The following MTTP variants were observed in gnomAD, a reference collection of about 807,000 sequenced individuals.
The protein encoded by MTTP is microsomal triglyceride transfer protein large subunit.
A neutral mutation model predicts 90.6 loss-of-function variants in MTTP; 49 were observed. That is an observed-to-expected ratio of 0.54 (90% CI 0.43 to 0.69). The LOEUF (loss-of-function observed/expected upper bound fraction) is 0.69, where lower values mean the gene tolerates loss of function less well. Among genes scored for constraint, MTTP ranks in the 30% least tolerant of loss-of-function variants. MTTP has a pLI of 0.00. For synonymous variants in MTTP, 347 were observed against 384.2 expected (o/e 0.90, Z 1.13); for missense variants, 945 against 1,067.5 (o/e 0.89, Z 1.60).
rs1560618824 is a variant in MTTP, at chr4:99,594,769, A to G, written c.795A>G (p.Pro265=). The change falls in exon 7 of 18, where the codon CCA becomes CCG. Residue 265 remains proline, a synonymous_variant. Transcript: ENST00000265517. Reference sequence around the variant, plus strand: ...AGCTGAAGACAACCGAAGCAGGCCCAAGATTGATGTCTGGAAAGCAGGCTG... The same window carrying G: ...AGCTGAAGACAACCGAAGCAGGCCCGAGATTGATGTCTGGAAAGCAGGCTG... ...KLELKTTEAG[P]RLMSGKQAAA... is the part of the protein sequence containing the mutation. 3.7e-6 allele frequency: 6 copies of G among 1,614,078 alleles called. No individual in the cohort carries two copies. The highest frequency in any genetic ancestry group is 5.1e-6 in the Non-Finnish European group (6 of 1,179,920).
Position 99,621,415 on chromosome 4 carries a change from CA to C in MTTP, c.2513+193del, listed in dbSNP as rs71600263. On this transcript the variant is annotated intron_variant, in intron 17 of 17. Coordinates refer to ENST00000265517, the MANE Select transcript of MTTP (RefSeq NM_001386140.1). Reference sequence around the variant, plus strand: ...CAAAAAAAGTCAGTTTCTGGGATACCAAAAAAAAATCTAATGACTAGTTCAT... The same window carrying C: ...CAAAAAAAGTCAGTTTCTGGGATACCAAAAAAAATCTAATGACTAGTTCAT... Among the ~76,000 whole-genome samples the C allele has an allele frequency of 0.071, 10,632 of 150,416 alleles. 602 individuals carry two copies. The highest frequency in any genetic ancestry group is 0.15 in the African/African-American group (6,328 of 41,052).
upstream of MTTP, among the ~76,000 whole-genome samples, chr4:99,573,603 A>G (rs1473290908): frequency 6.6e-6 from 1 of 152,120 alleles, no homozygotes; most frequent in African/African-American, 2.4e-5. Flanking sequence ...ATAATTCAAG[A>G]GGAAATATGC....
At chr4:99,569,354 C>T (rs2110204485) in intron 1 of MTTP, among the ~76,000 whole-genome samples, 1 of 151,844 alleles carries the variant, frequency 6.6e-6, no homozygotes, top group Non-Finnish European at 1.5e-5. Flanking sequence ...TGTAATGTAC[C>T]CTGGATGGGA....
At chr4:99,613,730 C>T (rs1354467416) in intron 15 of MTTP, among the ~76,000 whole-genome samples, 1 of 152,174 alleles carries the variant, frequency 6.6e-6, no homozygotes, top group Non-Finnish European at 1.5e-5. Flanking sequence ...CCACATTCTT[C>T]AAAATGGTTT....
At chr4:99,596,334 C>T (rs894414965) in intron 7 of MTTP, among the ~76,000 whole-genome samples, 1 of 151,964 alleles carries the variant, frequency 6.6e-6, no homozygotes, top group South Asian at 2.1e-4. Context: ...AAAATAAGTT[C>T]TTCAGTTAGT....
intron 3 of MTTP, among the ~76,000 whole-genome samples, chr4:99,588,395 T>C (rs1211644520): frequency 6.6e-6 from 1 of 152,164 alleles, no homozygotes; most frequent in African/African-American, 2.4e-5. Flanking sequence ...ATATCAAGTC[T>C]ACAGGGTGAA....
chr4:99,619,961 G>A (rs1726189479), intron 16 of MTTP, among the ~76,000 whole-genome samples: 1 of 152,144 alleles, frequency 6.6e-6, no homozygotes, highest in South Asian at 2.1e-4. Flanking sequence ...TTTCTAGACA[G>A]AAGTTTTTCC....
intron 16 of MTTP, among the ~76,000 whole-genome samples, chr4:99,620,477 A>G (rs1046968288): frequency 6.6e-5 from 10 of 152,174 alleles, no homozygotes; most frequent in African/African-American, 2.2e-4. Flanking sequence ...AGGACCCACC[A>G]TATTTTTCCT....
intron 12 of MTTP, among the ~76,000 whole-genome samples, chr4:99,610,301 A>T (rs1274848709): frequency 6.6e-6 from 1 of 152,180 alleles, no homozygotes; most frequent in Non-Finnish European, 1.5e-5. Context: ...AAACACGTCT[A>T]GTCATTCATC....
chr4:99,604,957 A>C (rs991422395), intron 10 of MTTP, among the ~76,000 whole-genome samples: 4 of 152,174 alleles, frequency 2.6e-5, no homozygotes, highest in African/African-American at 9.6e-5. Context: ...TCGCATGTAC[A>C]CAAAGTTCTA....
intron 1 of MTTP, among the ~76,000 whole-genome samples, chr4:99,567,786 T>G (rs1017185668): frequency 2.0e-5 from 3 of 152,128 alleles, no homozygotes; most frequent in African/African-American, 4.8e-5. Context: ...TCAGAAAATA[T>G]GAAGACACGT....
At chr4:99,608,297 C>T (rs1367611392) in intron 11 of MTTP, among the ~76,000 whole-genome samples, 1 of 151,782 alleles carries the variant, frequency 6.6e-6, no homozygotes, top group Non-Finnish European at 1.5e-5. Context: ...ATACAAAAAT[C>T]AGCTGGGCAT....
chr4:99,620,369 A>C (rs113055248), intron 16 of MTTP, among the ~76,000 whole-genome samples: 1,805 of 152,312 alleles, frequency 0.012, 50 homozygotes, highest in African/African-American at 0.041. Flanking sequence ...CAGTAGAAGT[A>C]AGTCTTCTGT....
At chr4:99,593,172 T>C (rs1043618182) in intron 6 of MTTP, among the ~76,000 whole-genome samples, 4 of 152,186 alleles carry the variant, frequency 2.6e-5, no homozygotes, top group African/African-American at 9.7e-5. Context: ...TATATCTTGT[T>C]CATCTTTATT....
chr4:99,580,012 G>C (rs2110210552), intron 1 of MTTP, among the ~76,000 whole-genome samples: 1 of 147,976 alleles, frequency 6.8e-6, no homozygotes, highest in Admixed American at 6.7e-5. Context: ...CTCCAGCCTG[G>C]GTGACAGAGT....
At position 99,582,005 on chromosome 4, in the gene MTTP, C is replaced by T. The variant is rs769291215; in HGVS notation, c.162C>T (p.Ser54=). 46 of 1,614,056 alleles carry T rather than the reference C, an allele frequency of 2.8e-5. No homozygotes were observed. The highest frequency in any genetic ancestry group is 1.6e-4 in the Middle Eastern group (1 of 6,084). ...GGGGCAAAGGAAAACTGCAAGACAGCGTGGGCTACCGCATTTCCTCCAACG... is the reference window on the plus strand; with the variant it reads ...GGGGCAAAGGAAAACTGCAAGACAGTGTGGGCTACCGCATTTCCTCCAACG... ...LDRGKGKLQD[S]VGYRISSNVD... The change falls in exon 2 of 18, where the codon AGC becomes AGT. Residue 54 remains serine, a synonymous_variant. Coordinates refer to ENST00000265517, the MANE Select transcript of MTTP (RefSeq NM_001386140.1).
chr4:99,621,038 T>A, intron 16 of MTTP, 23 bp from the exon 17 acceptor site: 1 of 1,611,236 alleles, frequency 6.2e-7, no homozygotes, highest in Middle Eastern at 1.7e-4. Context: ...AACAAGTTTT[T>A]TCTTTTTTTC....
chr4:99,581,527 G>A (rs995259807), intron 1 of MTTP, among the ~76,000 whole-genome samples: 2 of 151,890 alleles, frequency 1.3e-5, no homozygotes, highest in Admixed American at 6.6e-5. Flanking sequence ...CGTTAATTAC[G>A]AATGGCTCAT....
upstream of MTTP, among the ~76,000 whole-genome samples, chr4:99,573,802 C>G (rs1023958604): frequency 5.3e-5 from 8 of 152,144 alleles, no homozygotes; most frequent in African/African-American, 1.9e-4. Flanking sequence ...TAAATACATT[C>G]AAATAGCCCT....
Sources: allele counts gnomAD v4.1 joint callset (sites outside exome capture counted in the v4.1 genomes callset), GRCh38; gene constraint gnomAD v4.1.1; transcripts MANE v1.5; gene names NCBI Gene and HGNC (gene_info 2026-07-23, HGNC 2026-07-21).